Variants in HTR4 observed in about 807,000 individuals in gnomAD.
HTR4 encodes the protein 5-hydroxytryptamine (serotonin) receptor 4, G protein-coupled.
A neutral mutation model predicts 36.8 loss-of-function variants in HTR4; 16 were observed. That is an observed-to-expected ratio of 0.43 (90% CI 0.29 to 0.66). The LOEUF (loss-of-function observed/expected upper bound fraction) is 0.66. Among genes scored for constraint, HTR4 ranks in the 30% least tolerant of loss-of-function variants. The pLI is 0.13. For synonymous variants in HTR4, 189 were observed against 185.1 expected (o/e 1.02, Z -0.17); for missense variants, 438 against 490.9 (o/e 0.89, Z 1.02).
At chr5:148,533,106 G>T (rs1758656127) in intron 4 of HTR4, among the ~76,000 whole-genome samples, 1 of 152,216 alleles carries the variant, frequency 6.6e-6, no homozygotes, top group Non-Finnish European at 1.5e-5. Flanking sequence ...TGATTCATAT[G>T]CTAGGTAGAC....
At chr5:148,518,174 G>A (rs922657940) in intron 5 of HTR4, among the ~76,000 whole-genome samples, 16 of 151,764 alleles carry the variant, frequency 1.1e-4, no homozygotes, top group Admixed American at 2.6e-4. Context: ...TCTGCTATCC[G>A]GTTCACCTGC....
intron 2 of HTR4, among the ~76,000 whole-genome samples, chr5:148,574,110 T>G (rs1348156729): frequency 6.6e-6 from 1 of 151,956 alleles, no homozygotes; most frequent in African/African-American, 2.4e-5. Context: ...GCACATTAAC[T>G]CTCTCCCCAG....
chr5:148,542,107 A>G (rs936700228), intron 4 of HTR4, among the ~76,000 whole-genome samples: 5 of 152,216 alleles, frequency 3.3e-5, no homozygotes, highest in African/African-American at 4.8e-5. Flanking sequence ...GTCCAGAACA[A>G]CTCATAGTAA....
At chr5:148,587,412 G>T (rs1029549962) in intron 2 of HTR4, among the ~76,000 whole-genome samples, 6 of 152,236 alleles carry the variant, frequency 3.9e-5, no homozygotes, top group Non-Finnish European at 7.4e-5. Context: ...GACCAAAGTG[G>T]TCTGGCACAG....
At chr5:148,555,962 ACACACACACT>A (rs1205963547) in intron 2 of HTR4, among the ~76,000 whole-genome samples, 2 of 151,860 alleles carry the variant, frequency 1.3e-5, no homozygotes, top group African/African-American at 4.8e-5. Context: ...ACACACACAC[ACACACACACT>A]CTCTCTCTCT....
At chr5:148,623,474 G>A (rs530404885) in intron 2 of HTR4, among the ~76,000 whole-genome samples, 3 of 152,268 alleles carry the variant, frequency 2.0e-5, no homozygotes, top group African/African-American at 7.2e-5. Flanking sequence ...GGCAGAGGAT[G>A]AGCTTAACAT....
At chr5:148,637,374 T>C (rs1753582320) in intron 1 of HTR4, among the ~76,000 whole-genome samples, 1 of 152,200 alleles carries the variant, frequency 6.6e-6, no homozygotes, top group African/African-American at 2.4e-5. Context: ...ATTAGGACAG[T>C]AATTAGTGAA....
At chr5:148,478,921 G>A (rs1755789154), downstream of HTR4, among the ~76,000 whole-genome samples, 3 of 152,172 alleles carry the variant, frequency 2.0e-5, no homozygotes, top group East Asian at 5.8e-4. Flanking sequence ...CAGAAGAGAT[G>A]GGACCTAGAT....
chr5:148,498,909 A>G (rs1756810854), intron 6 of HTR4, among the ~76,000 whole-genome samples: 1 of 152,222 alleles, frequency 6.6e-6, no homozygotes, highest in African/African-American at 2.4e-5. Context: ...TCATTTGAAG[A>G]AGGAATGTTT....
At chr5:148,531,310 G>A (rs1758554380) in intron 4 of HTR4, among the ~76,000 whole-genome samples, 1 of 152,090 alleles carries the variant, frequency 6.6e-6, no homozygotes, top group African/African-American at 2.4e-5. Flanking sequence ...CCCGGTTGGA[G>A]GTGGTTTAAT....
chr5:148,489,726 CA>C (rs1756328182), intron 6 of HTR4, among the ~76,000 whole-genome samples: 1 of 152,076 alleles, frequency 6.6e-6, no homozygotes, highest in South Asian at 2.1e-4. Context: ...AGAGTTAGGT[CA>C]GGGGAGCTGG....
chr5:148,510,915 G>T (rs931641634), intron 5 of HTR4, among the ~76,000 whole-genome samples: 1 of 152,188 alleles, frequency 6.6e-6, no homozygotes, highest in Non-Finnish European at 1.5e-5. Flanking sequence ...TGGAAGAAAA[G>T]AATATAAAGA....
intron 2 of HTR4, among the ~76,000 whole-genome samples, chr5:148,574,319 G>A (rs1324632415): frequency 1.3e-5 from 2 of 151,934 alleles, no homozygotes; most frequent in Non-Finnish European, 2.9e-5. Flanking sequence ...AGACTGTTAG[G>A]CTAATCAGCA....
chr5:148,637,128 T>A (rs2127307330), intron 1 of HTR4, 67 bp from the exon 2 acceptor site: 1 of 1,027,012 alleles, frequency 9.7e-7, no homozygotes, highest in Non-Finnish European at 1.5e-6. Context: ...GTCCTTGTTT[T>A]AAAAAACTCA....
chr5:148,550,312 A>C (rs201490552), intron 2 of HTR4, 50 bp from the exon 3 acceptor site: 9 of 1,606,302 alleles, frequency 5.6e-6, no homozygotes, highest in Non-Finnish European at 7.7e-6. Flanking sequence ...CTGGGACACA[A>C]GAAGGAAAAT....
chr5:148,599,914 A>G (rs1761921515), intron 2 of HTR4, among the ~76,000 whole-genome samples: 2 of 151,958 alleles, frequency 1.3e-5, no homozygotes, highest in African/African-American at 4.8e-5. Flanking sequence ...AATCTCTATA[A>G]TAACCATTAA....
chr5:148,507,184 C>T (rs940938610), intron 6 of HTR4, among the ~76,000 whole-genome samples: 12 of 152,016 alleles, frequency 7.9e-5, no homozygotes, highest in African/African-American at 2.7e-4. Context: ...CCATGGAATA[C>T]TATGCAGCCA....
At chr5:148,452,750 A>G (rs544312354) in intron 5 of HTR4, among the ~76,000 whole-genome samples, 4 of 152,318 alleles carry the variant, frequency 2.6e-5, no homozygotes, top group Non-Finnish European at 5.9e-5. Flanking sequence ...GATGTGACAT[A>G]CAGAACCAAA....
Position 148,523,334 on chromosome 5 carries a change from G to A in HTR4, c.366C>T (p.Ile122=). Residue 122 remains isoleucine (I), a synonymous_variant, in exon 5 of 7, where the codon ATC becomes ATT. Transcript: ENST00000377888. The part of the protein sequence containing the change: ...CCISLDRYYA[I]CCQPLVYRNK... ...TCCTATAGACCAAAGGCTGGCAGCA[G>A]ATGGCGTAATACCTGGAGAGAGAAT... 1.2e-6 allele frequency: 2 copies of A among 1,610,170 alleles called. No homozygotes were observed. The highest frequency in any genetic ancestry group is 1.1e-5 in the South Asian group (1 of 90,350).
Sources: allele counts gnomAD v4.1 joint callset (sites outside exome capture counted in the v4.1 genomes callset), GRCh38; gene constraint gnomAD v4.1.1; transcripts MANE v1.5; gene names NCBI Gene and HGNC (gene_info 2026-07-23, HGNC 2026-07-21).